The following MACROD2 variants were observed in gnomAD, a reference collection of about 807,000 sequenced individuals.
MACROD2 encodes the protein mono-ADP ribosylhydrolase 2.
Under a neutral mutation model 70.4 loss-of-function variants are expected in MACROD2, and 36 were observed. That is an observed-to-expected ratio of 0.51 (90% confidence interval 0.39 to 0.68). The LOEUF (loss-of-function observed/expected upper bound fraction) is 0.68, where lower values mean the gene tolerates loss of function less well. Ranked by LOEUF, MACROD2 falls within the 30% of genes least tolerant of loss-of-function variation. The pLI is 0.00. For synonymous variants in MACROD2, 172 were observed against 178.8 expected (o/e 0.96, Z 0.30); for missense variants, 496 against 538.4 (o/e 0.92, Z 0.78).
chr20:14,541,863 A>G (rs573763865), intron 4 of MACROD2, among the ~76,000 whole-genome samples: 132 of 152,356 alleles, frequency 8.7e-4, no homozygotes, highest in African/African-American at 3.0e-3. Context: ...TTTAAATAAT[A>G]TGATTCTAAG....
At chr20:14,699,756 TTAAATCTAGAAGTTTAAAGTTTAAAC>T (rs1404601391) in intron 5 of MACROD2, among the ~76,000 whole-genome samples, 4 of 152,006 alleles carry the variant, frequency 2.6e-5, no homozygotes, top group African/African-American at 9.7e-5. Context: ...TCACAGAACT[TTAAATCTAGAAGTTTAAAGTTTAAAC>T]TTTTTAAATC....
intron 8 of MACROD2, among the ~76,000 whole-genome samples, chr20:15,686,817 G>A (rs1015201860): frequency 1.4e-5 from 2 of 146,952 alleles, no homozygotes; most frequent in Non-Finnish European, 3.0e-5. Flanking sequence ...AGATTGCAGT[G>A]AGCCAAGATC....
At chr20:14,460,951 G>A (rs1299216760) in intron 3 of MACROD2, among the ~76,000 whole-genome samples, 6 of 151,586 alleles carry the variant, frequency 4.0e-5, no homozygotes, top group African/African-American at 1.2e-4. Flanking sequence ...GAGTTAGGGA[G>A]GATTCCCCCC....
intron 5 of MACROD2, among the ~76,000 whole-genome samples, chr20:14,729,203 C>T (rs1262650813): frequency 6.6e-6 from 1 of 152,058 alleles, no homozygotes; most frequent in African/African-American, 2.4e-5. Flanking sequence ...ACAAATTATA[C>T]AAATATCATA....
At chr20:16,013,304 A>C (rs1412866542) in intron 15 of MACROD2, among the ~76,000 whole-genome samples, 1 of 152,248 alleles carries the variant, frequency 6.6e-6, no homozygotes, top group Admixed American at 6.5e-5. Flanking sequence ...AGGCAGATTG[A>C]ACAAAAATAG....
intron 2 of MACROD2, among the ~76,000 whole-genome samples, chr20:14,036,914 T>G (rs977653708): frequency 1.3e-5 from 2 of 152,250 alleles, no homozygotes; most frequent in African/African-American, 4.8e-5. Flanking sequence ...GCAGTAATTA[T>G]GGAATTAGTT....
intron 8 of MACROD2, among the ~76,000 whole-genome samples, chr20:15,506,412 C>T (rs1250549541): frequency 6.6e-6 from 1 of 152,202 alleles, no homozygotes; most frequent in Non-Finnish European, 1.5e-5. Flanking sequence ...GCTGATTTGA[C>T]AAGATCGAGA....
chr20:15,154,727 C>T (rs1409404105), intron 5 of MACROD2, among the ~76,000 whole-genome samples: 1 of 152,190 alleles, frequency 6.6e-6, no homozygotes, highest in Non-Finnish European at 1.5e-5. Flanking sequence ...AAGGGCTCCA[C>T]CCTCAGGGCT....
At chr20:15,066,199 T>C (rs1441315972) in intron 5 of MACROD2, among the ~76,000 whole-genome samples, 1 of 151,864 alleles carries the variant, frequency 6.6e-6, no homozygotes, top group African/African-American at 2.4e-5. Context: ...TGGTACGATC[T>C]CAGCTCACTG....
At chr20:15,455,528 C>T (rs374586223) in intron 7 of MACROD2, among the ~76,000 whole-genome samples, 104 of 152,282 alleles carry the variant, frequency 6.8e-4, no homozygotes, top group East Asian at 3.3e-3. Flanking sequence ...CCTTGGGGTA[C>T]TACACTTACT....
At chr20:15,289,261 T>A (rs372190179) in intron 6 of MACROD2, among the ~76,000 whole-genome samples, 6 of 152,348 alleles carry the variant, frequency 3.9e-5, no homozygotes, top group African/African-American at 1.4e-4. Flanking sequence ...AAAAATTATT[T>A]AAAATGTTTA....
rs1288792419 is a variant in MACROD2 at position 14,246,344 on chromosome 20, G to T, written c.271+160616G>T. Among the ~76,000 whole-genome samples the T allele has an allele frequency of 5.3e-5, 8 of 151,886 alleles. No individual in the cohort carries two copies. In the East Asian group the frequency reaches 1.4e-3, roughly 26 times the overall value. On this transcript the variant is annotated intron_variant, in intron 3 of 17. Transcript: ENST00000684519. ...TTCTGTAGTACTTTGATGTAGTATTGGAGTATTAGATCAGGATAATACGGG... is the reference window on the plus strand; with the variant it reads ...TTCTGTAGTACTTTGATGTAGTATTTGAGTATTAGATCAGGATAATACGGG...
chr20:15,283,137 C>T (rs2077460625), intron 6 of MACROD2, among the ~76,000 whole-genome samples: 1 of 152,182 alleles, frequency 6.6e-6, no homozygotes, highest in Non-Finnish European at 1.5e-5. Context: ...ACTACCTCCC[C>T]TTGGTACTGC....
chr20:14,696,817 G>T (rs2071131221), intron 5 of MACROD2, among the ~76,000 whole-genome samples: 3 of 152,210 alleles, frequency 2.0e-5, no homozygotes, highest in South Asian at 2.1e-4. Flanking sequence ...TTCTTTTACT[G>T]ATGCTCAGTG....
intron 5 of MACROD2, among the ~76,000 whole-genome samples, chr20:14,786,078 G>T (rs942840305): frequency 2.0e-5 from 3 of 151,984 alleles, no homozygotes; most frequent in Admixed American, 2.0e-4. Flanking sequence ...ACACAATATT[G>T]CTTCTGTCAG....
chr20:15,106,884 T>G (rs1453021552), intron 5 of MACROD2, among the ~76,000 whole-genome samples: 1 of 151,650 alleles, frequency 6.6e-6, no homozygotes, highest in Non-Finnish European at 1.5e-5. Context: ...TAACCACTGG[T>G]AAAATTAATA....
rs11087111 is a variant in MACROD2 at position 14,883,597 on chromosome 20, TA to T, written c.418+198648del. ...ATGAACTGTCTATATCTGACTCACTTAAAAAAAAAAGTAGTTTAAATAAAAA... is the reference window on the plus strand; with the variant it reads ...ATGAACTGTCTATATCTGACTCACTTAAAAAAAAAGTAGTTTAAATAAAAA... On this transcript the variant is annotated intron_variant, in intron 5 of 17. Coordinates refer to ENST00000684519, the MANE Select transcript of MACROD2 (RefSeq NM_001351661.2). 4.4e-3 allele frequency among the ~76,000 whole-genome samples: 657 copies of T among 149,586 alleles called. 4 individuals are homozygous for T. The highest frequency in any genetic ancestry group is 0.013 in the South Asian group (62 of 4,708).
chr20:15,423,711 T>A (rs1016567445), intron 6 of MACROD2, among the ~76,000 whole-genome samples: 2 of 152,044 alleles, frequency 1.3e-5, no homozygotes, highest in Non-Finnish European at 2.9e-5. Flanking sequence ...ATCCCCTAAT[T>A]ACCTCCCAAA....
At chr20:14,331,763 G>A (rs554605486) in intron 3 of MACROD2, among the ~76,000 whole-genome samples, 4 of 152,156 alleles carry the variant, frequency 2.6e-5, no homozygotes, top group East Asian at 1.9e-4. Flanking sequence ...AAAAATGAAC[G>A]ATCCTCTCCT....
Sources: allele counts gnomAD v4.1 joint callset (sites outside exome capture counted in the v4.1 genomes callset), GRCh38; gene constraint gnomAD v4.1.1; transcripts MANE v1.5; gene names NCBI Gene and HGNC (gene_info 2026-07-23, HGNC 2026-07-21).